STK32B: variants seen among roughly 807,000 people sequenced by gnomAD.
STK32B encodes serine/threonine kinase 32B.
Under a neutral mutation model 52.6 loss-of-function variants are expected in STK32B, and 43 were observed. The ratio of observed to expected loss-of-function variants is 0.82; its 90% confidence interval spans 0.64 to 1.05. The LOEUF (loss-of-function observed/expected upper bound fraction) is 1.05, where lower values mean the gene tolerates loss of function less well. Ranked by LOEUF, STK32B falls within the 50% of genes least tolerant of loss-of-function variation. STK32B has a pLI of 0.00. For missense variants in STK32B, 621 were observed against 534.6 expected (o/e 1.16, Z -1.59); for synonymous variants, 238 against 204.3 (o/e 1.17, Z -1.41).
At chr4:5,401,950 C>T (rs1477899067) in intron 5 of STK32B, among the ~76,000 whole-genome samples, 1 of 152,242 alleles carries the variant, frequency 6.6e-6, no homozygotes. Flanking sequence ...GCTAAACCCA[C>T]TCCAATGTCT....
chr4:5,139,689 G>A lies in STK32B; in HGVS notation c.53-216G>A, dbSNP rs1194577456. On this transcript the variant is annotated intron_variant, in intron 1 of 11. Coordinates refer to ENST00000282908, the MANE Select transcript of STK32B (RefSeq NM_018401.3). ...GCCTCATCAAGAAGTGTGGAGTGAA[G>A]GGAAGGCTTCAGATGGACAATTTGT... 16 of 565,954 alleles carry A rather than the reference G, an allele frequency of 2.8e-5. No individual in the cohort carries two copies. In the East Asian group the frequency reaches 4.6e-4, roughly 16 times the overall value. The allele number at this position is 565,954 out of a possible 1,614,324, so 35.1% of individuals were successfully genotyped here.
chr4:5,116,222 C>T (rs1336251779), intron 1 of STK32B, among the ~76,000 whole-genome samples: 3 of 151,546 alleles, frequency 2.0e-5, no homozygotes, highest in African/African-American at 4.9e-5. Context: ...TATTTTCCTA[C>T]ATTACCTGCA....
chr4:5,294,266 T>A (rs991113762), intron 3 of STK32B, among the ~76,000 whole-genome samples: 1 of 152,198 alleles, frequency 6.6e-6, no homozygotes, highest in African/African-American at 2.4e-5. Context: ...GTCTTGGCTG[T>A]ACAGGCTGTC....
At chr4:5,153,154 G>A (rs16836718) in intron 2 of STK32B, among the ~76,000 whole-genome samples, 6,763 of 152,284 alleles carry the variant, frequency 0.044, 346 homozygotes, top group Admixed American at 0.16. Flanking sequence ...ACATCTGCTG[G>A]AAACAAGTGG....
intron 3 of STK32B, among the ~76,000 whole-genome samples, chr4:5,285,706 C>T (rs375486894): frequency 1.2e-4 from 19 of 152,118 alleles, no homozygotes; most frequent in African/African-American, 4.1e-4. Flanking sequence ...ATTTTTAACT[C>T]ACCTCCCTTA....
intron 1 of STK32B, among the ~76,000 whole-genome samples, chr4:5,097,115 C>T (rs778862241): frequency 1.3e-5 from 2 of 152,112 alleles, no homozygotes; most frequent in African/African-American, 4.8e-5. Context: ...GCTTTATGAA[C>T]GTGAAAAGTT....
intron 6 of STK32B, among the ~76,000 whole-genome samples, chr4:5,417,160 T>C (rs1237073275): frequency 6.6e-6 from 1 of 152,212 alleles, no homozygotes; most frequent in Non-Finnish European, 1.5e-5. Flanking sequence ...AGAGAACTCC[T>C]GCTCAGCCAG....
At chr4:5,376,851 C>T (rs1185796360) in intron 4 of STK32B, among the ~76,000 whole-genome samples, 1 of 152,138 alleles carries the variant, frequency 6.6e-6, no homozygotes, top group Non-Finnish European at 1.5e-5. Context: ...CCCTCTGGCC[C>T]CATGCTCTGC....
At chr4:5,224,032 T>G (rs1333303967) in intron 3 of STK32B, among the ~76,000 whole-genome samples, 1 of 152,202 alleles carries the variant, frequency 6.6e-6, no homozygotes, top group African/African-American at 2.4e-5. Context: ...GAGGAGAATT[T>G]GCTTCAGAGT....
chr4:5,025,899 G>A, the STK32B span, among the ~76,000 whole-genome samples: 66 of 152,212 alleles, frequency 4.3e-4, 1 homozygote, highest in Admixed American at 2.0e-3. Flanking sequence ...GTGAGGTGGG[G>A]CGGAGACATT....
At chr4:5,465,883 G>C (rs1009617567) in intron 9 of STK32B, among the ~76,000 whole-genome samples, 17 of 152,088 alleles carry the variant, frequency 1.1e-4, no homozygotes, top group African/African-American at 4.8e-5. Context: ...GCCCTACTTG[G>C]AGTACTTTAT....
chr4:5,112,596 A>T (rs1434856593), intron 1 of STK32B, among the ~76,000 whole-genome samples: 1 of 152,160 alleles, frequency 6.6e-6, no homozygotes, highest in Non-Finnish European at 1.5e-5. Flanking sequence ...TCAGTCTGCC[A>T]ATTCAAATGT....
intron 6 of STK32B, among the ~76,000 whole-genome samples, chr4:5,440,017 T>G (rs1300723237): frequency 6.6e-6 from 1 of 152,174 alleles, no homozygotes. Context: ...TCTTGTAGTA[T>G]AGTTTGAAGT....
At chr4:5,066,103 G>A (rs987302363) in intron 1 of STK32B, among the ~76,000 whole-genome samples, 2 of 152,014 alleles carry the variant, frequency 1.3e-5, no homozygotes, top group African/African-American at 4.8e-5. Flanking sequence ...AATTCCATTT[G>A]GATATCTCAA....
At chr4:5,407,776 C>A (rs1255235985) in intron 5 of STK32B, among the ~76,000 whole-genome samples, 4 of 152,102 alleles carry the variant, frequency 2.6e-5, no homozygotes, top group Admixed American at 2.6e-4. Flanking sequence ...CCACCAGGTC[C>A]CTCTTCCAAC....
In STK32B at chr4:5,203,435, T is replaced by C. The variant is rs192410195; in HGVS notation, c.260+34985T>C. Among the ~76,000 whole-genome samples, 9 of 152,198 alleles carry C rather than the reference T, an allele frequency of 5.9e-5. No homozygotes were observed. The East Asian group carries it at 1.7e-3, about 29-fold the overall frequency. On this transcript the variant is annotated intron_variant, in intron 3 of 11. Coordinates refer to ENST00000282908, the MANE Select transcript of STK32B (RefSeq NM_018401.3). ...GCTGTGTCTCCTTTACATGTCTCTT[T>C]TTTCAAAAAGCAGCTGACCACCCAT... is the stretch of plus-strand genomic sequence containing the variant.
At chr4:5,446,566 C>CAAAAAA in intron 6 of STK32B, 107 bp from the exon 7 acceptor site, 1 of 717,360 alleles carries the variant, frequency 1.4e-6, no homozygotes, top group Non-Finnish European at 2.1e-6. Context: ...CAAAAAAAAA[C>CAAAAAA]AAAAAAAAAA....
intron 3 of STK32B, among the ~76,000 whole-genome samples, chr4:5,297,220 C>T (rs958660554): frequency 6.6e-6 from 1 of 152,188 alleles, no homozygotes; most frequent in African/African-American, 2.4e-5. Flanking sequence ...TGTCTTCCTT[C>T]ATTTCAACCT....
At chr4:5,343,520 C>A (rs531917498) in intron 4 of STK32B, among the ~76,000 whole-genome samples, 1 of 152,114 alleles carries the variant, frequency 6.6e-6, no homozygotes, top group Non-Finnish European at 1.5e-5. Flanking sequence ...CCTGAGGAAT[C>A]GCCACACTGA....
Sources: allele counts gnomAD v4.1 joint callset (sites outside exome capture counted in the v4.1 genomes callset), GRCh38; gene constraint gnomAD v4.1.1; transcripts MANE v1.5; gene names NCBI Gene and HGNC (gene_info 2026-07-23, HGNC 2026-07-21).